FHOD3: variants seen among roughly 807,000 people sequenced by gnomAD.
FHOD3 encodes the protein formin homology 2 domain containing 3, also known as FH1/FH2 domain-containing protein 3.
FHOD3 carries 90 observed loss-of-function variants against 173.0 expected under a neutral mutation model. The ratio of observed to expected loss-of-function variants is 0.52; its 90% CI spans 0.44 to 0.62. FHOD3 has a LOEUF of 0.62. Among genes scored for constraint, FHOD3 ranks in the 20% least tolerant of loss-of-function variants. The pLI, the probability that FHOD3 is intolerant of heterozygous loss-of-function variation, is 0.00. For synonymous variants in FHOD3, 828 were observed against 823.0 expected (o/e 1.01, Z -0.10); for missense variants, 1,945 against 2,034.7 (o/e 0.96, Z 0.85).
intron 1 of FHOD3, among the ~76,000 whole-genome samples, chr18:36,301,363 G>A (rs2091953229): frequency 1.3e-5 from 2 of 152,106 alleles, no homozygotes; most frequent in Admixed American, 1.3e-4. Context: ...GTCATCTTAT[G>A]CAAAAATAAG....
rs745693263 is a variant in FHOD3 at position 36,649,361 on chromosome 18, C to T, written c.1242C>T (p.Ser414=). Reference sequence around the variant, plus strand: ...AGCAGCCAATCACGGAGCCCAGTTCCGAAGAAGAGAGAGAGGATGATGCTT... The same window carrying T: ...AGCAGCCAATCACGGAGCCCAGTTCTGAAGAAGAGAGAGAGGATGATGCTT... ...EEEQPITEPS[S]EEEREDDASC... is the part of the protein sequence containing the mutation. The change falls in exon 11 of 29, where the codon TCC becomes TCT. Residue 414 remains serine, a synonymous_variant. Transcript: ENST00000590592. The T allele has an allele frequency of 1.4e-5, 22 of 1,535,622 alleles. No individual in the cohort carries two copies. The highest frequency in any genetic ancestry group is 5.9e-5 in the Admixed American group (3 of 50,950).
chr18:36,524,480 C>T (rs1292126234), intron 5 of FHOD3, among the ~76,000 whole-genome samples: 1 of 152,082 alleles, frequency 6.6e-6, no homozygotes, highest in Non-Finnish European at 1.5e-5. Flanking sequence ...CAGGAGGGCT[C>T]ACAGAAACAC....
Position 36,740,703 on chromosome 18 carries a change from G to C in FHOD3, c.3624G>C (p.Gln1208His). ...IPTDEEKQKI[Q>H]EAQLANPEIP... Reference sequence around the variant, plus strand: ...CCGATGAGGAGAAGCAGAAAATCCAGGAAGCTCAGCTGGCCAACCCTGAAA... The same window carrying C: ...CCGATGAGGAGAAGCAGAAAATCCACGAAGCTCAGCTGGCCAACCCTGAAA... Residue 1208 changes from glutamine to histidine, a missense_variant, in exon 21 of 29, where the codon CAG becomes CAC. Gln to His is a conservative substitution (Grantham distance 24). Around this residue, in one of 5 missense-constraint regions of FHOD3, gnomAD observed 231 missense variants for 321.9 expected, o/e 0.72. Transcript: ENST00000590592. 1 of 1,614,010 alleles carries C rather than the reference G, an allele frequency of 6.2e-7. No homozygotes were observed. Among genetic ancestry groups the C allele is most frequent in the East Asian group, 2.2e-5 (1 of 44,886 alleles).
In FHOD3 at chr18:36,589,582, C is replaced by T. The variant is rs971039187; in HGVS notation, c.607-5205C>T. ...GTCCTCAGCAACCCGGCACTCAAGA[C>T]GCTGTTGAAAGTAGAAGCAGAGAAT... On this transcript the variant is annotated intron_variant, in intron 6 of 28. Coordinates refer to ENST00000590592, the MANE Select transcript of FHOD3 (RefSeq NM_001281740.3). Among the ~76,000 whole-genome samples the T allele has an allele frequency of 1.2e-4, 18 of 152,296 alleles. 1 individual carries two copies. The highest frequency in any genetic ancestry group is 4.6e-4 in the Admixed American group (7 of 15,306).
At chr18:36,482,383 A>G (rs1282367709) in intron 3 of FHOD3, among the ~76,000 whole-genome samples, 2 of 152,180 alleles carry the variant, frequency 1.3e-5, no homozygotes, top group East Asian at 3.9e-4. Flanking sequence ...GGGAAGTCTC[A>G]CCCAGAAGGA....
intron 17 of FHOD3, among the ~76,000 whole-genome samples, chr18:36,700,809 G>T (rs1212953083): frequency 6.6e-6 from 1 of 152,124 alleles, no homozygotes; most frequent in East Asian, 1.9e-4. Flanking sequence ...CAAATGTTAT[G>T]CTCCATCCAC....
chr18:36,349,336 C>G (rs986691366), intron 1 of FHOD3, among the ~76,000 whole-genome samples: 1 of 152,196 alleles, frequency 6.6e-6, no homozygotes, highest in African/African-American at 2.4e-5. Context: ...AGACACAGGT[C>G]ACCCAGATTC....
intron 3 of FHOD3, among the ~76,000 whole-genome samples, chr18:36,436,476 G>T (rs1489440330): frequency 1.3e-5 from 2 of 152,126 alleles, no homozygotes; most frequent in Non-Finnish European, 2.9e-5. Context: ...TTTTTAATGG[G>T]ATAAAAGATC....
intron 5 of FHOD3, among the ~76,000 whole-genome samples, chr18:36,560,117 T>C (rs1331278340): frequency 6.6e-6 from 1 of 152,158 alleles, no homozygotes; most frequent in Non-Finnish European, 1.5e-5. Context: ...GTACCCCTTG[T>C]TGGGTAGATG....
At chr18:36,326,828 T>C (rs1365369417) in intron 1 of FHOD3, among the ~76,000 whole-genome samples, 6 of 152,150 alleles carry the variant, frequency 3.9e-5, no homozygotes, top group Admixed American at 3.3e-4. Context: ...CTGAATTACT[T>C]GGTTTGTGAA....
In FHOD3 at chr18:36,693,237, G is replaced by GAGGAGCACGAGA; in HGVS notation, c.2057_2068dup (p.His686_Glu689dup). ...CAAATACTTGGAACAGTTGGCAGCT[G>GAGGAGCACGAGA]AGGAGCACGAGAAGGAGCTGAGAAG... On this transcript the variant is annotated inframe_insertion, in exon 17 of 29. Coordinates refer to ENST00000590592, the MANE Select transcript of FHOD3 (RefSeq NM_001281740.3). 6.2e-7 allele frequency: 1 copy of GAGGAGCACGAGA among 1,613,740 alleles called. No individual in the cohort carries two copies. The highest frequency in any genetic ancestry group is 8.5e-7 in the Non-Finnish European group (1 of 1,179,812).
At chr18:36,749,037 AG>A (rs201849750) in intron 24 of FHOD3, among the ~76,000 whole-genome samples, 3,231 of 152,218 alleles carry the variant, frequency 0.021, 53 homozygotes, top group Non-Finnish European at 0.031. Context: ...GGATCATCTT[AG>A]TCATGCAAAT....
At chr18:36,634,712 A>G (rs2034757840) in intron 10 of FHOD3, among the ~76,000 whole-genome samples, 1 of 152,154 alleles carries the variant, frequency 6.6e-6, no homozygotes, top group Non-Finnish European at 1.5e-5. Flanking sequence ...ACTCAGGATG[A>G]TGGTACCTGT....
chr18:36,313,563 A>G (rs1223941887), intron 1 of FHOD3, among the ~76,000 whole-genome samples: 1 of 152,166 alleles, frequency 6.6e-6, no homozygotes, highest in African/African-American at 2.4e-5. Context: ...TTCACTCTGC[A>G]CAGTGCCCTT....
chr18:36,546,683 C>T (rs903919099), intron 5 of FHOD3, among the ~76,000 whole-genome samples: 3 of 152,212 alleles, frequency 2.0e-5, no homozygotes, highest in East Asian at 3.9e-4. Context: ...TCTGGGATCT[C>T]AAGTGCACTC....
chr18:36,399,528 A>C (rs940524508), intron 3 of FHOD3, among the ~76,000 whole-genome samples: 1 of 152,072 alleles, frequency 6.6e-6, no homozygotes, highest in Non-Finnish European at 1.5e-5. Flanking sequence ...ATCTTGTCCC[A>C]GAGCTCCACT....
intron 3 of FHOD3, among the ~76,000 whole-genome samples, chr18:36,463,439 AT>A (rs1429542663): frequency 0.19 from 1,531 of 8,220 alleles, 20 homozygotes; most frequent in Non-Finnish European, 0.34. Flanking sequence ...TATTTAAAAA[AT>A]ATATTTTTTA....
intron 3 of FHOD3, among the ~76,000 whole-genome samples, chr18:36,469,982 C>T (rs1322929259): frequency 1.3e-5 from 2 of 152,114 alleles, no homozygotes; most frequent in Non-Finnish European, 2.9e-5. Context: ...TTTGGAAAAC[C>T]GGTTCCTGTT....
chr18:36,355,470 A>T (rs2046317513), intron 1 of FHOD3, 69 bp from the exon 2 acceptor site: 2 of 1,263,192 alleles, frequency 1.6e-6, no homozygotes, highest in African/African-American at 3.0e-5. Context: ...GGGCAACATG[A>T]TGTGATTTCT....
Sources: gnomAD v4.1 joint callset for allele counts (sites outside exome capture counted in the v4.1 genomes callset) on GRCh38, gnomAD v4.1.1 for gene constraint, gnomAD v4.1.1 regional missense constraint, MANE v1.5 for transcripts, NCBI Gene and HGNC (gene_info 2026-07-23, HGNC 2026-07-21) for gene names.